SLC9A9: variants seen among roughly 807,000 people sequenced by gnomAD.
The protein encoded by SLC9A9 is solute carrier family 9 member A9, also known as sodium/hydrogen exchanger 9.
In SLC9A9, 62 loss-of-function variants were observed where a neutral mutation model predicts 77.8. That is an observed-to-expected ratio of 0.80 (90% CI 0.65 to 0.98). The LOEUF (loss-of-function observed/expected upper bound fraction) is 0.98, where lower values mean the gene tolerates loss of function less well. Among genes scored for constraint, SLC9A9 ranks in the 50% least tolerant of loss-of-function variants. SLC9A9 has a pLI of 0.00. For synonymous variants in SLC9A9, 320 were observed against 283.5 expected, an observed-to-expected ratio of 1.13 and a Z score of -1.29; for missense variants, 775 against 774.9, an observed-to-expected ratio of 1.00 and a Z score of 0.00.
At chr3:143,470,088 G>A (rs962382331) in intron 11 of SLC9A9, among the ~76,000 whole-genome samples, 18 of 152,128 alleles carry the variant, frequency 1.2e-4, no homozygotes, top group African/African-American at 1.7e-4. Context: ...GGAAACAGTC[G>A]TACAATAGAC....
At position 143,598,020 on chromosome 3, in the gene SLC9A9, C is replaced by G. The variant is rs571314790; in HGVS notation, c.756-19297G>C. Among the ~76,000 whole-genome samples, 4 of 152,280 alleles carry G rather than the reference C, an allele frequency of 2.6e-5. No homozygotes were observed. In the East Asian group the frequency reaches 7.7e-4, roughly 29 times the overall value. Reference sequence around the variant, plus strand: ...TGTCAACAGCTCAATTCGGGGCCTGCAGACAAAAGGTTCTGTACCCACTTA... The same window carrying G: ...TGTCAACAGCTCAATTCGGGGCCTGGAGACAAAAGGTTCTGTACCCACTTA... On this transcript the variant is annotated intron_variant, in intron 6 of 15. Coordinates refer to ENST00000316549, the MANE Select transcript of SLC9A9 (RefSeq NM_173653.4).
rs116336344 is a variant in SLC9A9, at chr3:143,267,412, G to A, written c.1711-483C>T. Among the ~76,000 whole-genome samples the A allele has an allele frequency of 2.8e-3, 386 of 139,180 alleles. 2 individuals carry two copies. Among genetic ancestry groups the A allele is most frequent in the African/African-American group, 0.01 (345 of 34,182 alleles). 91.3% of individuals were successfully genotyped at this position (139,180 alleles called of 152,430 possible). ...CATCCAGCCTAGAGTGCAGTGTTGC[G>A]ATCTCAGCTTACTTCAACCTCTGGT... On this transcript the variant is annotated intron_variant, in intron 15 of 15. Coordinates refer to ENST00000316549, the MANE Select transcript of SLC9A9 (RefSeq NM_173653.4).
chr3:143,329,255 G>T (rs1019368054), intron 14 of SLC9A9, among the ~76,000 whole-genome samples: 1 of 152,212 alleles, frequency 6.6e-6, no homozygotes, highest in Non-Finnish European at 1.5e-5. Flanking sequence ...GTGTGTATGT[G>T]TTTGGGGTGG....
chr3:143,600,674 CTA>C (rs2037831998), intron 6 of SLC9A9, among the ~76,000 whole-genome samples: 1 of 152,146 alleles, frequency 6.6e-6, no homozygotes, highest in Admixed American at 6.5e-5. Flanking sequence ...ATGAAAATGT[CTA>C]TGTTGGTCAG....
At chr3:143,330,938 G>A (rs746197504) in intron 14 of SLC9A9, among the ~76,000 whole-genome samples, 1 of 152,162 alleles carries the variant, frequency 6.6e-6, no homozygotes, top group African/African-American at 2.4e-5. Flanking sequence ...GCTCTGTAGT[G>A]ACGCTGATTT....
chr3:143,598,619 C>T (rs16853926), intron 6 of SLC9A9, among the ~76,000 whole-genome samples: 1 of 152,154 alleles, frequency 6.6e-6, no homozygotes, highest in Non-Finnish European at 1.5e-5. Context: ...CATGCTACCC[C>T]GGAACATTAC....
intron 2 of SLC9A9, among the ~76,000 whole-genome samples, chr3:143,808,115 GT>G (rs2008772485): frequency 3.9e-5 from 6 of 152,186 alleles, no homozygotes; most frequent in Admixed American, 3.3e-4. Flanking sequence ...TCACTTCTAG[GT>G]TTTTTGCTTA....
At chr3:143,664,525 A>G (rs2039031770) in intron 5 of SLC9A9, among the ~76,000 whole-genome samples, 1 of 152,158 alleles carries the variant, frequency 6.6e-6, no homozygotes, top group South Asian at 2.1e-4. Flanking sequence ...ATTAAAAGAC[A>G]CAGACTGGCA....
At chr3:143,719,725 T>C (rs1474647794) in intron 4 of SLC9A9, among the ~76,000 whole-genome samples, 3 of 152,228 alleles carry the variant, frequency 2.0e-5, no homozygotes, top group South Asian at 4.1e-4. Flanking sequence ...ACTGCTATAG[T>C]AGTACTGAAC....
intron 12 of SLC9A9, among the ~76,000 whole-genome samples, chr3:143,409,255 C>T (rs2034046797): frequency 6.6e-6 from 1 of 152,136 alleles, no homozygotes. Context: ...TGAAATATGG[C>T]AAGCACAAAA....
intron 6 of SLC9A9, among the ~76,000 whole-genome samples, chr3:143,621,825 G>A (rs1344220597): frequency 3.9e-5 from 6 of 152,242 alleles, no homozygotes; most frequent in Middle Eastern, 3.4e-3. Context: ...CTGAGCTAAA[G>A]GAGAAAGTTC....
At chr3:143,548,744 C>T (rs1450236768) in intron 9 of SLC9A9, among the ~76,000 whole-genome samples, 1 of 152,124 alleles carries the variant, frequency 6.6e-6, no homozygotes, top group Non-Finnish European at 1.5e-5. Flanking sequence ...TCTAAAGGGT[C>T]ATTATCATGG....
At chr3:143,623,941 C>T (rs1363689794) in intron 6 of SLC9A9, among the ~76,000 whole-genome samples, 6 of 151,978 alleles carry the variant, frequency 3.9e-5, no homozygotes, top group Non-Finnish European at 8.8e-5. Flanking sequence ...ATACCACCAC[C>T]GATCCCACAG....
At chr3:143,490,843 C>G (rs1226058410) in intron 11 of SLC9A9, among the ~76,000 whole-genome samples, 2 of 151,996 alleles carry the variant, frequency 1.3e-5, no homozygotes, top group African/African-American at 4.8e-5. Flanking sequence ...GTAACATTAC[C>G]ATCTCTTCAT....
chr3:143,411,786 G>T (rs2034100568), intron 12 of SLC9A9, among the ~76,000 whole-genome samples: 1 of 151,958 alleles, frequency 6.6e-6, no homozygotes, highest in African/African-American at 2.4e-5. Flanking sequence ...ATTTTTAATT[G>T]TTTTTTTCAT....
intron 4 of SLC9A9, among the ~76,000 whole-genome samples, chr3:143,728,360 T>C (rs1448552393): frequency 6.6e-6 from 1 of 151,882 alleles, no homozygotes; most frequent in Non-Finnish European, 1.5e-5. Context: ...GAGAAAGTAA[T>C]GTGAAGATCT....
intron 4 of SLC9A9, among the ~76,000 whole-genome samples, chr3:143,732,348 A>G (rs978417022): frequency 1.1e-4 from 16 of 152,268 alleles, no homozygotes; most frequent in Admixed American, 2.6e-4. Flanking sequence ...GGTTTAATCT[A>G]TGATCTAATC....
At chr3:143,797,727 G>A (rs1044685594) in intron 2 of SLC9A9, among the ~76,000 whole-genome samples, 1 of 151,566 alleles carries the variant, frequency 6.6e-6, no homozygotes, top group Admixed American at 6.6e-5. Context: ...CTCCCCCACT[G>A]AGCACCTTGT....
intron 12 of SLC9A9, among the ~76,000 whole-genome samples, chr3:143,442,687 C>T (rs541333191): frequency 2.4e-4 from 37 of 152,270 alleles, no homozygotes; most frequent in African/African-American, 7.9e-4. Flanking sequence ...GTTGTGCTAC[C>T]GCACTCCAGC....
Sources: gnomAD v4.1 joint callset for allele counts (sites outside exome capture counted in the v4.1 genomes callset) on GRCh38, gnomAD v4.1.1 for gene constraint, MANE v1.5 for transcripts, NCBI Gene and HGNC (gene_info 2026-07-23, HGNC 2026-07-21) for gene names.